The following SLC16A7 variants were observed in gnomAD, a reference collection of about 807,000 sequenced individuals.
SLC16A7 encodes the protein monocarboxylate transporter 2.
Under a neutral mutation model 34.9 loss-of-function variants are expected in SLC16A7, and 33 were observed. That is an observed-to-expected ratio of 0.94 (90% confidence interval 0.72 to 1.26). SLC16A7 has a LOEUF of 1.26. Ranked by LOEUF, SLC16A7 falls within the 50% of genes most tolerant of loss-of-function variation. The pLI is 0.00. For missense variants in SLC16A7, 573 were observed against 578.1 expected (o/e 0.99, Z 0.09); for synonymous variants, 201 against 206.6 (o/e 0.97, Z 0.23).
chr12:59,603,939 T>C (rs1005572312), intron 1 of SLC16A7, among the ~76,000 whole-genome samples: 1 of 152,246 alleles, frequency 6.6e-6, no homozygotes, highest in African/African-American at 2.4e-5. Context: ...AGGGTCTTTG[T>C]TCAGCTTCCT....
chr12:59,776,994 A>G (rs1882822556), intron 5 of SLC16A7, among the ~76,000 whole-genome samples: 1 of 152,174 alleles, frequency 6.6e-6, no homozygotes, highest in South Asian at 2.1e-4. Context: ...CACAATTCTT[A>G]GTGTAAACAG....
intron 3 of SLC16A7, among the ~76,000 whole-genome samples, chr12:59,726,576 GT>G (rs1363425784): frequency 4.6e-5 from 7 of 152,110 alleles, no homozygotes; most frequent in Non-Finnish European, 7.4e-5. Flanking sequence ...TTATTAACCA[GT>G]TTCTGATCCA....
chr12:59,745,787 C>T (rs1878829034), intron 3 of SLC16A7, among the ~76,000 whole-genome samples: 1 of 152,172 alleles, frequency 6.6e-6, no homozygotes, highest in Non-Finnish European at 1.5e-5. Flanking sequence ...GTCAGAATTA[C>T]ACTGAAAGCA....
intron 2 of SLC16A7, among the ~76,000 whole-genome samples, chr12:59,655,822 C>T (rs886085050): frequency 2.6e-5 from 4 of 151,896 alleles, no homozygotes; most frequent in Non-Finnish European, 5.9e-5. Flanking sequence ...TCAGGGATTT[C>T]AATCCTCGCT....
intron 3 of SLC16A7, among the ~76,000 whole-genome samples, chr12:59,766,513 C>A (rs899601366): frequency 1.3e-5 from 2 of 152,114 alleles, no homozygotes; most frequent in East Asian, 3.8e-4. Context: ...CCATCAATAC[C>A]TAATTTATTG....
intron 2 of SLC16A7, among the ~76,000 whole-genome samples, chr12:59,693,869 A>G (rs1236861778): frequency 2.0e-5 from 3 of 151,876 alleles, no homozygotes; most frequent in Admixed American, 6.6e-5. Flanking sequence ...TAATGAAAAA[A>G]AATACTAGTT....
chr12:59,615,021 A>T (rs1245163723), intron 1 of SLC16A7, among the ~76,000 whole-genome samples: 2 of 150,498 alleles, frequency 1.3e-5, no homozygotes, highest in Non-Finnish European at 3.0e-5. Context: ...AATAAATAAA[A>T]ATAAATAAAT....
chr12:59,761,043 A>T (rs963879604), intron 3 of SLC16A7: 20 of 547,304 alleles, frequency 3.7e-5, no homozygotes, highest in African/African-American at 3.6e-4. Context: ...GTCTTCAAAT[A>T]CTTTAAATAT....
rs1189021557 is a variant in SLC16A7, at chr12:59,628,543, AC to A, written c.-129-26606del. On this transcript the variant is annotated intron_variant, in intron 1 of 5. Transcript: ENST00000547379. Reference sequence around the variant, plus strand: ...ATTGCTTTCATAGAGCCGTAAACAAACCCTCTGGTAGCTTTTAGCACATTTG... The same window carrying A: ...ATTGCTTTCATAGAGCCGTAAACAAACCTCTGGTAGCTTTTAGCACATTTG... Among the ~76,000 whole-genome samples the A allele has an allele frequency of 2.0e-5, 3 of 151,898 alleles. No homozygotes were observed. The East Asian group carries it at 5.8e-4, about 30-fold the overall frequency.
At chr12:59,655,971 C>A (rs1322711230) in intron 2 of SLC16A7, among the ~76,000 whole-genome samples, 1 of 152,062 alleles carries the variant, frequency 6.6e-6, no homozygotes, top group African/African-American at 2.4e-5. Flanking sequence ...CTAGTCTATA[C>A]TCTTTCAAAT....
At chr12:59,741,564 C>T (rs1292387788) in intron 3 of SLC16A7, among the ~76,000 whole-genome samples, 3 of 152,270 alleles carry the variant, frequency 2.0e-5, no homozygotes, top group South Asian at 2.1e-4. Context: ...AGCAAGTTAT[C>T]GTAGGGATAG....
chr12:59,686,644 G>A (rs1189787560), intron 2 of SLC16A7, among the ~76,000 whole-genome samples: 3 of 151,804 alleles, frequency 2.0e-5, no homozygotes, highest in African/African-American at 7.3e-5. Flanking sequence ...TAGTACCATC[G>A]GTTCTTTATA....
At chr12:59,603,972 T>C (rs1261104235) in intron 1 of SLC16A7, among the ~76,000 whole-genome samples, 1 of 152,224 alleles carries the variant, frequency 6.6e-6, no homozygotes, top group East Asian at 1.9e-4. Flanking sequence ...AATGAATCCC[T>C]TTCTCATTTG....
chr12:59,681,406 T>C (rs539384203), intron 2 of SLC16A7, among the ~76,000 whole-genome samples: 1 of 152,360 alleles, frequency 6.6e-6, no homozygotes, highest in East Asian at 1.9e-4. Context: ...ACACTAGCTC[T>C]GTAAGCATAC....
chr12:59,779,791 T>A lies in SLC16A7; in HGVS notation c.*112T>A, dbSNP rs1883109610. On this transcript the variant is annotated 3_prime_UTR_variant, in exon 6 of 6. Transcript: ENST00000547379. ...TTTAGCTGAAATGAGGAGTCACAAT[T>A]AAGGATGGAGGTGATATTTTCCTCA... is the stretch of plus-strand genomic sequence containing the variant. The A allele has an allele frequency of 1.2e-6, 1 of 815,008 alleles. No individual in the cohort carries two copies. Among genetic ancestry groups the A allele is most frequent in the Non-Finnish European group, 1.9e-6 (1 of 529,216 alleles). The allele number at this position is 815,008 out of a possible 1,614,324, so 50.5% of individuals were successfully genotyped here. A position where few individuals can be genotyped will look rare whatever the true frequency, so the allele number is the denominator to read the frequency against.
In SLC16A7 at chr12:59,678,067, G is replaced by A. The variant is rs1039860994; in HGVS notation, c.-31+22817G>A. Reference sequence around the variant, plus strand: ...GGAGCAGTGAGGGACATGTGAGTGAGCAAGTGTGGGGCTCAGCCACTGTGC... The same window carrying A: ...GGAGCAGTGAGGGACATGTGAGTGAACAAGTGTGGGGCTCAGCCACTGTGC... On this transcript the variant is annotated intron_variant, in intron 2 of 5. Transcript: ENST00000547379. 2.6e-5 allele frequency among the ~76,000 whole-genome samples: 4 copies of A among 152,206 alleles called. No homozygotes were observed. In the East Asian group the frequency reaches 7.7e-4, roughly 29 times the overall value.
chr12:59,606,965 A>G (rs1878974935), intron 1 of SLC16A7, among the ~76,000 whole-genome samples: 1 of 152,178 alleles, frequency 6.6e-6, no homozygotes, highest in Admixed American at 6.5e-5. Context: ...TTTCTAGGAT[A>G]GAGGTTGACA....
At position 59,771,328 on chromosome 12, in the gene SLC16A7, G is replaced by A. The variant is rs1309373139; in HGVS notation, c.327G>A (p.Val109=). Residue 109 remains valine, a synonymous_variant, in exon 4 of 6, where the codon GTG becomes GTA. Coordinates refer to ENST00000547379, the MANE Select transcript of SLC16A7 (RefSeq NM_001270623.2). ...TGTTGGCCTCCTTTAGTAGCAGCGT[G>A]GTACAGCTGTACCTCACTATGGGAT... is the stretch of plus-strand genomic sequence containing the variant. ...GMVLASFSSS[V]VQLYLTMGFI... is the part of the protein sequence containing the mutation. 1.2e-6 allele frequency: 2 copies of A among 1,611,866 alleles called. No individual in the cohort carries two copies. Among genetic ancestry groups the A allele is most frequent in the East Asian group, 2.2e-5 (1 of 44,700 alleles).
chr12:59,601,994 C>G (rs1878706735), intron 1 of SLC16A7, among the ~76,000 whole-genome samples: 1 of 152,116 alleles, frequency 6.6e-6, no homozygotes, highest in Non-Finnish European at 1.5e-5. Context: ...GTGGCTTTCC[C>G]TTAGTCATTG....
Sources: gnomAD v4.1 joint callset for allele counts (sites outside exome capture counted in the v4.1 genomes callset) on GRCh38, gnomAD v4.1.1 for gene constraint, MANE v1.5 for transcripts, NCBI Gene and HGNC (gene_info 2026-07-23, HGNC 2026-07-21) for gene names.